Variants in MAN1A1 observed in about 807,000 individuals in gnomAD.
MAN1A1 encodes mannosidase alpha class 1A member 1, also known as mannosyl-oligosaccharide 1,2-alpha-mannosidase IA.
Under a neutral mutation model 70.8 loss-of-function variants are expected in MAN1A1, and 29 were observed. The ratio of observed to expected loss-of-function variants is 0.41; its 90% CI spans 0.31 to 0.56. MAN1A1 has a LOEUF of 0.56. Ranked by LOEUF, MAN1A1 falls within the 20% of genes least tolerant of loss-of-function variation. The pLI is 0.29. For missense variants in MAN1A1, 747 were observed against 841.3 expected (o/e 0.89, Z 1.39); for synonymous variants, 349 against 330.1 (o/e 1.06, Z -0.62).
At position 119,250,646 on chromosome 6, in the gene MAN1A1, C is replaced by CTGTGTGTGTG. The variant is rs758137917; in HGVS notation, c.898-2293_898-2292insCACACACACA. On this transcript the variant is annotated intron_variant, in intron 5 of 12. Transcript: ENST00000368468. The stretch of plus-strand genomic sequence containing the variant: ...TTCAGACTCCTCTCTCTTGTTCTCT[C>CTGTGTGTGTG]TCTGTGTGTGTGTGTGTGTGTGTGT... 5.3e-3 allele frequency among the ~76,000 whole-genome samples: 555 copies of CTGTGTGTGTG among 103,764 alleles called. 5 individuals carry two copies. Among genetic ancestry groups the CTGTGTGTGTG allele is most frequent in the African/African-American group, 0.019 (521 of 27,938 alleles). The allele number at this position is 103,764 out of a possible 152,430, so 68.1% of individuals were successfully genotyped here.
intron 4 of MAN1A1, among the ~76,000 whole-genome samples, chr6:119,294,370 G>C (rs1305884451): frequency 6.6e-6 from 1 of 151,960 alleles, no homozygotes; most frequent in Admixed American, 6.6e-5. Flanking sequence ...TGACAGAGGG[G>C]GTATTTGCAG....
At chr6:119,340,363 C>T (rs1321453488) in intron 2 of MAN1A1, among the ~76,000 whole-genome samples, 1 of 152,150 alleles carries the variant, frequency 6.6e-6, no homozygotes, top group Non-Finnish European at 1.5e-5. Flanking sequence ...GGACATGCCA[C>T]CCCCAGTGTA....
intron 6 of MAN1A1, among the ~76,000 whole-genome samples, chr6:119,232,820 A>C (rs1022128455): frequency 6.6e-6 from 1 of 151,732 alleles, no homozygotes; most frequent in African/African-American, 2.4e-5. Flanking sequence ...AATTTTCCTG[A>C]CTCCTGCCTC....
chr6:119,195,419 C>T (rs942834759), intron 8 of MAN1A1, among the ~76,000 whole-genome samples: 3 of 152,124 alleles, frequency 2.0e-5, no homozygotes, highest in African/African-American at 4.8e-5. Flanking sequence ...ACCCTAGGAC[C>T]CCCTTCCCCT....
In MAN1A1 at chr6:119,189,547, C is replaced by T. The variant is rs1773381846; in HGVS notation, c.1546+117G>A. 3 of 864,844 alleles carry T rather than the reference C, an allele frequency of 3.5e-6. No individual in the cohort carries two copies. In the East Asian group the frequency reaches 7.3e-5, roughly 21 times the overall value. The allele number at this position is 864,844 out of a possible 1,614,324, so 53.6% of individuals were successfully genotyped here. A position where few individuals can be genotyped will look rare whatever the true frequency, so the allele number is the denominator to read the frequency against. On this transcript the variant is annotated intron_variant, in intron 10 of 12. Transcript: ENST00000368468. Reference sequence around the variant, plus strand: ...ATATACATTCCTTTGAGACATTAATCACGATCATCAAGCTTCATAGGCAGA... The same window carrying T: ...ATATACATTCCTTTGAGACATTAATTACGATCATCAAGCTTCATAGGCAGA...
chr6:119,348,183 C>T (rs1223576581), intron 2 of MAN1A1, among the ~76,000 whole-genome samples: 1 of 152,222 alleles, frequency 6.6e-6, no homozygotes, highest in Non-Finnish European at 1.5e-5. Flanking sequence ...TGCGTATTAC[C>T]TGCCCATGTA....
chr6:119,213,081 G>A (rs975253574), intron 6 of MAN1A1, among the ~76,000 whole-genome samples: 1 of 152,142 alleles, frequency 6.6e-6, no homozygotes, highest in Admixed American at 6.5e-5. Flanking sequence ...GCTGCATGAG[G>A]TAAGTTTAGA....
At chr6:119,280,089 C>T (rs1776189232) in intron 5 of MAN1A1, among the ~76,000 whole-genome samples, 1 of 152,228 alleles carries the variant, frequency 6.6e-6, no homozygotes, top group Non-Finnish European at 1.5e-5. Flanking sequence ...CTAGCTCTTT[C>T]TTCTCAACAA....
At chr6:119,277,227 T>A (rs1258411739) in intron 5 of MAN1A1, among the ~76,000 whole-genome samples, 1 of 152,178 alleles carries the variant, frequency 6.6e-6, no homozygotes, top group Non-Finnish European at 1.5e-5. Context: ...ATATATGACC[T>A]CTCTTGGGAA....
At chr6:119,338,069 TAAA>T (rs61463278) in intron 2 of MAN1A1, among the ~76,000 whole-genome samples, 4 of 139,746 alleles carry the variant, frequency 2.9e-5, no homozygotes, top group African/African-American at 5.2e-5. Flanking sequence ...GCTAGTTGAC[TAAA>T]AAAAAAAAAA....
At chr6:119,232,185 A>G (rs1489403044) in intron 6 of MAN1A1, among the ~76,000 whole-genome samples, 1 of 151,952 alleles carries the variant, frequency 6.6e-6, no homozygotes, top group Non-Finnish European at 1.5e-5. Flanking sequence ...ATCCTGGCTA[A>G]CACAGTGAAA....
At chr6:119,335,313 C>T (rs1256254404) in intron 2 of MAN1A1, among the ~76,000 whole-genome samples, 1 of 152,160 alleles carries the variant, frequency 6.6e-6, no homozygotes, top group Non-Finnish European at 1.5e-5. Flanking sequence ...ACATGCCAGG[C>T]ATTGCGCTGA....
At chr6:119,221,960 T>C (rs183312950) in intron 6 of MAN1A1, among the ~76,000 whole-genome samples, 1 of 152,176 alleles carries the variant, frequency 6.6e-6, no homozygotes, top group Non-Finnish European at 1.5e-5. Flanking sequence ...TTTTGGGAAA[T>C]TATTTTGAAG....
In MAN1A1 at chr6:119,191,628, A is replaced by C. The variant is rs147220290; in HGVS notation, c.1327-1745T>G. Among the ~76,000 whole-genome samples the C allele has an allele frequency of 6.0e-3, 920 of 152,316 alleles. 10 individuals carry two copies. The highest frequency in any genetic ancestry group is 8.1e-3 in the Non-Finnish European group (552 of 68,016). On this transcript the variant is annotated intron_variant, in intron 9 of 12. Transcript: ENST00000368468. ...GTTTGATGAAGCCTTCAGAATCGTA[A>C]GTGTCTGATATGTCTTCTGCCCAGG...
chr6:119,216,553 C>T (rs547691089), intron 6 of MAN1A1, among the ~76,000 whole-genome samples: 5 of 152,128 alleles, frequency 3.3e-5, no homozygotes, highest in Admixed American at 6.5e-5. Context: ...GACAAGCATG[C>T]GTTCTCTTTT....
At chr6:119,285,164 C>A (rs1776334084) in intron 5 of MAN1A1, among the ~76,000 whole-genome samples, 1 of 114,628 alleles carries the variant, frequency 8.7e-6, no homozygotes, top group Non-Finnish European at 1.9e-5. Flanking sequence ...AAAGTAGAGA[C>A]AGAATCTGGC....
chr6:119,338,783 C>T (rs898260306), intron 2 of MAN1A1, among the ~76,000 whole-genome samples: 1 of 152,210 alleles, frequency 6.6e-6, no homozygotes, highest in African/African-American at 2.4e-5. Context: ...AGGATGTGGG[C>T]TGTCCCAAGT....
intron 6 of MAN1A1, 77 bp downstream of exon 6, chr6:119,248,183 T>C: frequency 1.1e-6 from 1 of 897,824 alleles, no homozygotes; most frequent in South Asian, 1.6e-5. Context: ...AGTAATTATC[T>C]ATCTAATGTA....
chr6:119,290,138 C>G (rs1246862266), intron 5 of MAN1A1, among the ~76,000 whole-genome samples: 2 of 151,876 alleles, frequency 1.3e-5, no homozygotes, highest in African/African-American at 4.8e-5. Context: ...TGCTTTGCTC[C>G]AAGCAGTGGA....
Sources: allele counts gnomAD v4.1 joint callset (sites outside exome capture counted in the v4.1 genomes callset), GRCh38; gene constraint gnomAD v4.1.1; transcripts MANE v1.5; gene names NCBI Gene and HGNC (gene_info 2026-07-23, HGNC 2026-07-21).